Variants in MYOF observed in about 807,000 individuals in gnomAD.
The protein encoded by MYOF is fer-1-like 3, myoferlin.
In MYOF, 244 loss-of-function variants were observed where a neutral mutation model predicts 284.2. The observed-to-expected ratio is 0.86, with a 90% confidence interval of 0.77 to 0.95. MYOF has a LOEUF of 0.95. MYOF is among the 40% of genes least tolerant of loss of function. The probability of loss-of-function intolerance (pLI) is 0.00; values close to 1 mark genes in which losing one functional copy is unlikely to be tolerated. For missense variants in MYOF, 2,496 were observed against 2,560.6 expected (o/e 0.97, Z 0.54); for synonymous variants, 904 against 919.7 (o/e 0.98, Z 0.31).
In MYOF at chr10:93,351,259, C is replaced by A. The variant is rs1184131368; in HGVS notation, c.3859G>T (p.Ala1287Ser). Residue 1287 changes from alanine to serine, a missense_variant, in exon 35 of 54, where the codon GCG (alanine) becomes TCG (serine). By Grantham distance (99) the Ala-to-Ser change is moderately conservative. This residue lies in a region of MYOF where 2,436 missense variants were observed against 2,480.7 expected (regional missense o/e 0.98). Coordinates refer to ENST00000359263, the MANE Select transcript of MYOF (RefSeq NM_013451.4). ...SNLPILPPQR[A>S]PNLYMVPQGI... ...TGGGGGACCATGTATAGATTTGGCG[C>A]CCTTTGAGGGGGAAGAATGGGAAGG... is the stretch of plus-strand genomic sequence containing the variant. 1.9e-6 allele frequency: 3 copies of A among 1,613,652 alleles called. No homozygotes were observed. Among genetic ancestry groups the A allele is most frequent in the Non-Finnish European group, 2.5e-6 (3 of 1,179,968 alleles).
chr10:93,332,076 C>A (rs1028358763), intron 43 of MYOF, among the ~76,000 whole-genome samples: 2 of 152,104 alleles, frequency 1.3e-5, no homozygotes, highest in African/African-American at 4.8e-5. Flanking sequence ...TAATAGAGCT[C>A]TGGGAGCCCT....
chr10:93,334,835 T>C (rs1439159268), intron 41 of MYOF, among the ~76,000 whole-genome samples: 4 of 152,178 alleles, frequency 2.6e-5, no homozygotes, highest in Non-Finnish European at 5.9e-5. Context: ...GGTTGGCTCT[T>C]GTGCCATATG....
intron 53 of MYOF, among the ~76,000 whole-genome samples, chr10:93,308,399 A>T (rs1842227277): frequency 6.6e-6 from 1 of 151,684 alleles, no homozygotes; most frequent in Non-Finnish European, 1.5e-5. Flanking sequence ...AGCCTGGCCA[A>T]CATGGTGAAA....
rs558662931 is a variant in MYOF, at chr10:93,461,615, G to C, written c.89-4678C>G. 1.0e-3 allele frequency among the ~76,000 whole-genome samples: 153 copies of C among 152,250 alleles called. 1 individual carries two copies. The highest frequency in any genetic ancestry group is 3.4e-3 in the African/African-American group (142 of 41,548). ...TCACTCCAGTAGACACAATAGGGTG[G>C]GTGGATCAGGCATGGAGGAGGGAGA... On this transcript the variant is annotated intron_variant, in intron 1 of 53. Transcript: ENST00000359263.
chr10:93,316,571 C>T, intron 50 of MYOF, 143 bp downstream of exon 50: 1 of 703,198 alleles, frequency 1.4e-6, no homozygotes, highest in African/African-American at 1.8e-5. Flanking sequence ...CTCACACAAG[C>T]ACTGGGTGTA....
chr10:93,457,028 G>T (rs1029718597), intron 1 of MYOF, 91 bp from the exon 2 acceptor site: 5 of 894,882 alleles, frequency 5.6e-6, no homozygotes, highest in Admixed American at 2.3e-5. Context: ...ATTACCCAAG[G>T]GTCTACTTGC....
rs1421931565 is a variant in MYOF at position 93,364,028 on chromosome 10, A to G, written c.2801T>C (p.Val934Ala). Reference sequence around the variant, plus strand: ...GGGGTAGCGGCTCTCGTTCTGATAGACTTCATCAGTGAACTCCGTGTGACC... The same window carrying G: ...GGGGTAGCGGCTCTCGTTCTGATAGGCTTCATCAGTGAACTCCGTGTGACC... ...DAGHTEFTDEVYQNESRYPGG... is the reference protein window; with the variant it reads ...DAGHTEFTDEAYQNESRYPGG... The change falls in exon 27 of 54, where the codon GTC (valine) becomes GCC (alanine). Residue 934 changes from valine to alanine, a missense_variant. Physicochemically the swap from Val to Ala is moderately conservative, Grantham distance 64 (BLOSUM62 0). Around this residue, in one of 3 missense-constraint regions of MYOF, gnomAD observed 2,436 missense variants for 2,480.7 expected, o/e 0.98. Coordinates refer to ENST00000359263, the MANE Select transcript of MYOF (RefSeq NM_013451.4). 4 of 1,614,010 alleles carry G rather than the reference A, an allele frequency of 2.5e-6. No homozygotes were observed. The highest frequency in any genetic ancestry group is 2.5e-6 in the Non-Finnish European group (3 of 1,180,040).
intron 25 of MYOF, among the ~76,000 whole-genome samples, chr10:93,368,204 A>G (rs1454164398): frequency 1.3e-5 from 2 of 152,088 alleles, no homozygotes; most frequent in Non-Finnish European, 2.9e-5. Flanking sequence ...GCTGGACATC[A>G]ACATCCTCCA....
At position 93,310,165 on chromosome 10, in the gene MYOF, C is replaced by A; in HGVS notation, c.6002G>T (p.Arg2001Leu). ...NMNPKLDLPN[R>L]PETSFLWFTN... is the part of the protein sequence containing the mutation. ...GAACCAGAGGAAGGAGGTTTCTGGT[C>A]GACTGCATTGCAAAGAAACAGTATC... The change falls in exon 53 of 54, where the codon CGA (arginine) becomes CTA (leucine). Residue 2001 changes from arginine to leucine, a missense_variant and splice_region_variant. Physicochemically the swap from Arg to Leu is moderately radical, Grantham distance 102. Coordinates refer to ENST00000359263, the MANE Select transcript of MYOF (RefSeq NM_013451.4). 6.2e-7 allele frequency: 1 copy of A among 1,613,802 alleles called. No homozygotes were observed. The highest frequency in any genetic ancestry group is 1.1e-5 in the South Asian group (1 of 91,030).
chr10:93,415,095 C>T (rs1848063965), intron 5 of MYOF, among the ~76,000 whole-genome samples: 1 of 152,128 alleles, frequency 6.6e-6, no homozygotes, highest in South Asian at 2.1e-4. Flanking sequence ...TACTCCAGCC[C>T]ACAAGCAGCC....
Position 93,374,767 on chromosome 10 carries a change from T to C in MYOF, c.2297A>G (p.Glu766Gly), listed in dbSNP as rs762033516. The change falls in exon 23 of 54, where the codon GAA (glutamate) becomes GGA (glycine). Residue 766 changes from glutamate (E) to glycine (G), a missense_variant. Physicochemically the swap from Glu to Gly is moderately conservative, Grantham distance 98. Around this residue, in one of 3 missense-constraint regions of MYOF, gnomAD observed 2,436 missense variants for 2,480.7 expected, o/e 0.98. Transcript: ENST00000359263. Reference sequence around the variant, plus strand: ...TGTGTAGTTTAAAAGTCCTACCTCTTCAGTCAGCTGCATTAATTTATCAAG... The same window carrying C: ...TGTGTAGTTTAAAAGTCCTACCTCTCCAGTCAGCTGCATTAATTTATCAAG... ...DWLDKLMQLT[E>G]EPQNSMPDII... 6.2e-7 allele frequency: 1 copy of C among 1,613,574 alleles called. No individual in the cohort carries two copies. The highest frequency in any genetic ancestry group is 8.5e-7 in the Non-Finnish European group (1 of 1,179,806).
chr10:93,401,621 T>A, intron 11 of MYOF, 77 bp from the exon 12 acceptor site: 1 of 1,549,524 alleles, frequency 6.5e-7, no homozygotes, highest in Non-Finnish European at 8.8e-7. Context: ...GCTTATAAAA[T>A]GAAACCATTC....
At chr10:93,310,502 T>C in intron 52 of MYOF, 32 bp downstream of exon 52, 1 of 1,603,156 alleles carries the variant, frequency 6.2e-7, no homozygotes, top group South Asian at 1.1e-5. Flanking sequence ...TGCAGGTGTT[T>C]GGGGAGTGGG....
At chr10:93,323,561 T>TTCTCACTCAGGGGTCTC (rs1842924634) in intron 46 of MYOF, 2 of 567,198 alleles carry the variant, frequency 3.5e-6, no homozygotes, top group Admixed American at 6.6e-5. Flanking sequence ...CCACTTTCCA[T>TTCTCACTCAGGGGTCTC]TCTCACTCAG....
chr10:93,408,951 C>T, intron 6 of MYOF, 36 bp from the exon 7 acceptor site: 1 of 1,612,608 alleles, frequency 6.2e-7, no homozygotes, highest in East Asian at 2.2e-5. Flanking sequence ...CCCAACCTTT[C>T]CCAGCACGTG....
chr10:93,392,705 T>C (rs1273721410), intron 17 of MYOF, among the ~76,000 whole-genome samples: 1 of 152,230 alleles, frequency 6.6e-6, no homozygotes, highest in East Asian at 1.9e-4. Flanking sequence ...GCTGAAAGCA[T>C]GGGACATGGA....
chr10:93,420,001 C>T (rs1488068538), intron 5 of MYOF, among the ~76,000 whole-genome samples: 1 of 152,088 alleles, frequency 6.6e-6, no homozygotes, highest in Non-Finnish European at 1.5e-5. Flanking sequence ...GGCGTGGTGG[C>T]CGGTGCCTGT....
chr10:93,413,280 C>A (rs1181312309), intron 5 of MYOF, among the ~76,000 whole-genome samples: 1 of 152,162 alleles, frequency 6.6e-6, no homozygotes, highest in Non-Finnish European at 1.5e-5. Flanking sequence ...GGAAACCAGC[C>A]TAAGCCATGG....
intron 4 of MYOF, among the ~76,000 whole-genome samples, chr10:93,431,201 G>A (rs189651002): frequency 2.6e-4 from 40 of 151,952 alleles, no homozygotes; most frequent in Non-Finnish European, 2.9e-5. Context: ...GCTAATTTTT[G>A]TATTTTTAGT....
Sources: allele counts gnomAD v4.1 joint callset (sites outside exome capture counted in the v4.1 genomes callset), GRCh38; gene constraint gnomAD v4.1.1; regional missense constraint gnomAD v4.1.1; transcripts MANE v1.5; gene names NCBI Gene and HGNC (gene_info 2026-07-23, HGNC 2026-07-21).